Variants in KIF26B observed in about 807,000 individuals in gnomAD.
The protein encoded by KIF26B is kinesin-like protein KIF26B.
In KIF26B, 63 loss-of-function variants were observed where a neutral mutation model predicts 151.2. The ratio of observed to expected loss-of-function variants is 0.42; its 90% CI spans 0.34 to 0.51. KIF26B has a LOEUF of 0.51. KIF26B is among the 20% of genes least tolerant of loss of function. The pLI is 0.07. For missense variants in KIF26B, 2,813 were observed against 2,913.6 expected (o/e 0.97, Z 0.79); for synonymous variants, 1,357 against 1,262.1 (o/e 1.08, Z -1.59).
chr1:245,574,876 T>C (rs2043102293), intron 5 of KIF26B, among the ~76,000 whole-genome samples: 1 of 126,524 alleles, frequency 7.9e-6, no homozygotes, highest in African/African-American at 2.9e-5. Context: ...TTTTTTTTTT[T>C]TTTTTGAGAC....
rs957570324 is a variant in KIF26B, at chr1:245,599,394, C to T, written c.1351-3183C>T. Reference sequence around the variant, plus strand: ...GTGTGTATCTCTTTGGCCAGACCAGCGACTGGGATCTTCAGCCTCTCTGCA... The same window carrying T: ...GTGTGTATCTCTTTGGCCAGACCAGTGACTGGGATCTTCAGCCTCTCTGCA... On this transcript the variant is annotated intron_variant, in intron 5 of 14. Coordinates refer to ENST00000407071, the MANE Select transcript of KIF26B (RefSeq NM_018012.4). Among the ~76,000 whole-genome samples, 41 of 152,188 alleles carry T rather than the reference C, an allele frequency of 2.7e-4. 1 individual carries two copies. Among genetic ancestry groups the T allele is most frequent in the Non-Finnish European group, 2.9e-5 (2 of 68,042 alleles).
intron 4 of KIF26B, among the ~76,000 whole-genome samples, chr1:245,420,810 T>C (rs1190158167): frequency 6.6e-6 from 1 of 152,222 alleles, no homozygotes; most frequent in Non-Finnish European, 1.5e-5. Flanking sequence ...GTGGCTTTGC[T>C]TGTTATCTTT....
At chr1:245,531,195 A>G (rs1661350092) in intron 4 of KIF26B, among the ~76,000 whole-genome samples, 2 of 152,240 alleles carry the variant, frequency 1.3e-5, no homozygotes, top group African/African-American at 4.8e-5. Flanking sequence ...TTTGAGTTAC[A>G]TACAAAAATA....
intron 4 of KIF26B, among the ~76,000 whole-genome samples, chr1:245,456,712 A>G (rs928172140): frequency 1.3e-5 from 2 of 152,264 alleles, no homozygotes; most frequent in Admixed American, 1.3e-4. Context: ...TTGAGTTACC[A>G]AAATAGTTTA....
intron 4 of KIF26B, among the ~76,000 whole-genome samples, chr1:245,422,277 A>G (rs775540629): frequency 2.0e-5 from 3 of 152,112 alleles, no homozygotes; most frequent in Non-Finnish European, 4.4e-5. Flanking sequence ...TTCTTTCTAT[A>G]GATTTCCCCC....
intron 2 of KIF26B, among the ~76,000 whole-genome samples, chr1:245,246,732 A>G (rs1275825350): frequency 6.6e-6 from 1 of 152,204 alleles, no homozygotes; most frequent in Non-Finnish European, 1.5e-5. Context: ...AAGTCATCCT[A>G]AGACAAAAAT....
chr1:245,642,696 A>C (rs972272756), intron 9 of KIF26B, among the ~76,000 whole-genome samples: 1 of 152,132 alleles, frequency 6.6e-6, no homozygotes, highest in Non-Finnish European at 1.5e-5. Flanking sequence ...GAGCTGGAGC[A>C]GAATCTGGGC....
intron 2 of KIF26B, among the ~76,000 whole-genome samples, chr1:245,348,677 A>C (rs1045145039): frequency 1.3e-5 from 2 of 152,138 alleles, no homozygotes; most frequent in Admixed American, 1.3e-4. Flanking sequence ...CTAGGTTTCA[A>C]TATATGAATT....
chr1:245,554,697 G>A (rs1247834094), intron 5 of KIF26B, among the ~76,000 whole-genome samples: 2 of 152,040 alleles, frequency 1.3e-5, no homozygotes, highest in East Asian at 1.9e-4. Flanking sequence ...CTGAGTATAC[G>A]CTAATATTCC....
intron 5 of KIF26B, among the ~76,000 whole-genome samples, chr1:245,550,146 G>A (rs1661843706): frequency 1.3e-5 from 2 of 152,158 alleles, no homozygotes; most frequent in African/African-American, 4.8e-5. Flanking sequence ...CCCTCAGTCT[G>A]CGTCTGTGTT....
At chr1:245,580,578 C>T (rs901049452) in intron 5 of KIF26B, among the ~76,000 whole-genome samples, 2 of 152,174 alleles carry the variant, frequency 1.3e-5, no homozygotes, top group Non-Finnish European at 2.9e-5. Context: ...CCTCCGGACT[C>T]GCCTCCTCCC....
chr1:245,224,972 C>T (rs1669845886), intron 2 of KIF26B, among the ~76,000 whole-genome samples: 1 of 152,216 alleles, frequency 6.6e-6, no homozygotes, highest in Non-Finnish European at 1.5e-5. Flanking sequence ...CATATTCCTA[C>T]TTCATATCTG....
chr1:245,483,240 G>T (rs911262199), intron 4 of KIF26B, among the ~76,000 whole-genome samples: 4 of 151,854 alleles, frequency 2.6e-5, no homozygotes, highest in African/African-American at 9.7e-5. Flanking sequence ...CAGTTAACAT[G>T]CATAGAGCAT....
rs540596849 is a variant in KIF26B at position 245,255,087 on chromosome 1, G to A, written c.465+98404G>A. ...GTCATTATCTTGGGAATTATCTTGGGTTTCTGATAAAAAGATGAGGTTAGC... is the reference window on the plus strand; with the variant it reads ...GTCATTATCTTGGGAATTATCTTGGATTTCTGATAAAAAGATGAGGTTAGC... On this transcript the variant is annotated intron_variant, in intron 2 of 14. Transcript: ENST00000407071. 1.4e-4 allele frequency among the ~76,000 whole-genome samples: 22 copies of A among 152,174 alleles called. 1 individual carries two copies. In the South Asian group the frequency reaches 4.6e-3, roughly 32 times the overall value.
intron 2 of KIF26B, among the ~76,000 whole-genome samples, chr1:245,251,429 C>T (rs1670443772): frequency 6.6e-6 from 1 of 152,138 alleles, no homozygotes; most frequent in Non-Finnish European, 1.5e-5. Context: ...TTGTCTTTTG[C>T]TCATCCAGCA....
intron 3 of KIF26B, among the ~76,000 whole-genome samples, chr1:245,369,102 C>T (rs1673033677): frequency 6.6e-6 from 1 of 151,988 alleles, no homozygotes; most frequent in Non-Finnish European, 1.5e-5. Flanking sequence ...TGCACCACTG[C>T]ACTCCAGCAG....
chr1:245,634,276 A>G lies in KIF26B; in HGVS notation c.2099-11845A>G, dbSNP rs561318858. ...TTTTCTATAGGTGACTATATCACCA[A>G]TGAAGATCATTTGACTTTCTTTCCA... On this transcript the variant is annotated intron_variant, in intron 9 of 14. Coordinates refer to ENST00000407071, the MANE Select transcript of KIF26B (RefSeq NM_018012.4). Among the ~76,000 whole-genome samples, 108 of 152,348 alleles carry G rather than the reference A, an allele frequency of 7.1e-4. 1 individual carries two copies. The highest frequency in any genetic ancestry group is 2.3e-3 in the African/African-American group (97 of 41,578).
chr1:245,472,757 A>G (rs1538472), intron 4 of KIF26B, among the ~76,000 whole-genome samples: 73,116 of 151,980 alleles, frequency 0.48, 17,858 homozygotes, highest in East Asian at 0.55. Flanking sequence ...TTTCAAGGCC[A>G]TGGCTCTTCC....
intron 5 of KIF26B, among the ~76,000 whole-genome samples, chr1:245,590,615 C>G (rs1236473057): frequency 1.3e-5 from 2 of 152,274 alleles, no homozygotes; most frequent in East Asian, 3.9e-4. Context: ...TCTATAAAAA[C>G]TGGGCGTCCA....
Sources: gnomAD v4.1 joint callset for allele counts (sites outside exome capture counted in the v4.1 genomes callset) on GRCh38, gnomAD v4.1.1 for gene constraint, MANE v1.5 for transcripts, NCBI Gene and HGNC (gene_info 2026-07-23, HGNC 2026-07-21) for gene names.